The following OXNAD1 variants were observed in gnomAD, a reference collection of about 807,000 sequenced individuals.
The protein encoded by OXNAD1 is oxidoreductase NAD-binding domain-containing protein 1.
A neutral mutation model predicts 32.9 loss-of-function variants in OXNAD1; 34 were observed. The observed-to-expected ratio is 1.03, with a 90% CI of 0.79 to 1.38. The LOEUF (loss-of-function observed/expected upper bound fraction) is 1.38, where lower values mean the gene tolerates loss of function less well. Ranked by LOEUF, OXNAD1 falls within the 40% of genes most tolerant of loss-of-function variation. OXNAD1 has a pLI of 0.00. For synonymous variants in OXNAD1, 134 were observed against 135.2 expected, an observed-to-expected ratio of 0.99 and a Z score of 0.06; for missense variants, 407 against 379.4, an observed-to-expected ratio of 1.07 and a Z score of -0.60.
intron 9 of OXNAD1, among the ~76,000 whole-genome samples, chr3:16,328,538 C>T (rs1276537298): frequency 3.3e-5 from 5 of 152,192 alleles, no homozygotes; most frequent in African/African-American, 9.7e-5. Flanking sequence ...GAACCCTTGG[C>T]GACTAATTTA....
downstream of OXNAD1, among the ~76,000 whole-genome samples, chr3:16,351,869 CTAGA>C (rs781125041): frequency 9.3e-5 from 14 of 151,320 alleles, no homozygotes; most frequent in Non-Finnish European, 2.9e-5. The surrounding 1 kb of genome is among the most constrained non-coding windows in gnomAD (Gnocchi z 5.4). Flanking sequence ...GGTGAGGGGA[CTAGA>C]AAGACTAGAA....
Position 16,335,975 on chromosome 3 carries a change from C to T in OXNAD1, c.*31-1137C>T, listed in dbSNP as rs144025566. ...AGGAGGCAGAGCATGCTGGCGCCTT[C>T]TCAGGGCTGCCTGGGCCCTGCTCAG... On this transcript the variant is annotated intron_variant, in intron 9 of 9. Coordinates refer to the OXNAD1 transcript ENST00000435829. The surrounding 1 kb of genome is among the most constrained non-coding windows in gnomAD (Gnocchi z 4.7). Among the ~76,000 whole-genome samples, 1,122 of 152,298 alleles carry T rather than the reference C, an allele frequency of 7.4e-3. 17 individuals carry two copies. The highest frequency in any genetic ancestry group is 0.025 in the African/African-American group (1,048 of 41,564).
In OXNAD1 at chr3:16,271,042, C is replaced by G. The variant is rs2064893700; in HGVS notation, c.90C>G (p.Leu30=). The stretch of plus-strand genomic sequence containing the variant: ...AGGCTGCGTCACTGAGATTGACACT[C>G]AGCACTTTGCGCCACCTTACTCTAA... ...RIEAASLRLT[L]STLRHLTLTS... The change falls in exon 3 of 9, where the codon CTC becomes CTG. Residue 30 remains leucine, a synonymous_variant. Transcript: ENST00000285083. The surrounding 1 kb of genome is among the most constrained non-coding windows in gnomAD (Gnocchi z 4.6). The G allele has an allele frequency of 1.2e-6, 2 of 1,614,048 alleles. No individual in the cohort carries two copies. Among genetic ancestry groups the G allele is most frequent in the Non-Finnish European group, 1.7e-6 (2 of 1,180,030 alleles).
intron 9 of OXNAD1, among the ~76,000 whole-genome samples, chr3:16,328,633 A>G (rs1393530558): frequency 1.3e-5 from 2 of 152,234 alleles, no homozygotes; most frequent in African/African-American, 4.8e-5. Flanking sequence ...AGCCGGCAGC[A>G]TCAGCATCAC....
chr3:16,309,026 T>C (rs1425954284), downstream of OXNAD1, among the ~76,000 whole-genome samples: 1 of 152,224 alleles, frequency 6.6e-6, no homozygotes, highest in Non-Finnish European at 1.5e-5. Context: ...CCTATTCCCT[T>C]GCCTAGAAGG....
intron 5 of OXNAD1, among the ~76,000 whole-genome samples, chr3:16,286,849 C>T (rs842273): frequency 0.59 from 89,644 of 152,078 alleles, 26,603 homozygotes; most frequent in African/African-American, 0.66. Context: ...TAGTCTTCTT[C>T]GTGTCCAATG....
At chr3:16,319,810 G>A (rs979646297) in intron 9 of OXNAD1, among the ~76,000 whole-genome samples, 2 of 152,248 alleles carry the variant, frequency 1.3e-5, no homozygotes, top group South Asian at 2.1e-4. Flanking sequence ...GGCCTGGACT[G>A]TGCCAGATTT....
At chr3:16,338,696 A>G (rs1420415678), downstream of OXNAD1, among the ~76,000 whole-genome samples, 1 of 152,228 alleles carries the variant, frequency 6.6e-6, no homozygotes, top group Non-Finnish European at 1.5e-5. The surrounding 1 kb of genome is among the most constrained non-coding windows in gnomAD (Gnocchi z 5.3). Context: ...CTCTCTTTAG[A>G]CTATCAGAGA....
At chr3:16,282,092 A>G (rs1296531810) in intron 4 of OXNAD1, among the ~76,000 whole-genome samples, 4 of 126,270 alleles carry the variant, frequency 3.2e-5, no homozygotes, top group Non-Finnish European at 4.7e-5. Context: ...CACGTTGCCC[A>G]GGCTGGTCTC....
downstream of OXNAD1, among the ~76,000 whole-genome samples, chr3:16,350,487 A>C (rs1022741020): frequency 8.0e-5 from 11 of 137,764 alleles, no homozygotes; most frequent in African/African-American, 3.0e-4. Flanking sequence ...AGCTGAGATG[A>C]ATCACTTTTT....
chr3:16,323,013 GAC>G (rs1430550714), intron 9 of OXNAD1, among the ~76,000 whole-genome samples: 1 of 152,148 alleles, frequency 6.6e-6, no homozygotes, highest in African/African-American at 2.4e-5. Flanking sequence ...ATGAGATTAA[GAC>G]ACAAAGAAAC....
downstream of OXNAD1, among the ~76,000 whole-genome samples, chr3:16,338,639 G>A (rs989570895): frequency 1.3e-5 from 2 of 152,204 alleles, no homozygotes; most frequent in Non-Finnish European, 2.9e-5. This position sits in a 1 kb window ranked among gnomAD's most constrained non-coding sequence, Gnocchi z 5.3. Context: ...TTTGATGAGA[G>A]AGAAAACTAG....
intron 6 of OXNAD1, among the ~76,000 whole-genome samples, chr3:16,295,517 A>G (rs563935664): frequency 6.6e-6 from 1 of 152,144 alleles, no homozygotes; most frequent in Non-Finnish European, 1.5e-5. Context: ...ATTGCTGTTA[A>G]TAACTCTTAT....
At chr3:16,278,542 G>A (rs1241776859) in intron 4 of OXNAD1, among the ~76,000 whole-genome samples, 1 of 152,180 alleles carries the variant, frequency 6.6e-6, no homozygotes, top group Non-Finnish European at 1.5e-5. Context: ...TGGTGTAATA[G>A]CACTCACTTT....
In OXNAD1 at chr3:16,290,128, T is replaced by A. The variant is rs2066331543; in HGVS notation, c.290+3680T>A. On this transcript the variant is annotated intron_variant, in intron 5 of 8. Coordinates refer to ENST00000285083, the MANE Select transcript of OXNAD1 (RefSeq NM_138381.5). The surrounding 1 kb of genome is among the most constrained non-coding windows in gnomAD (Gnocchi z 4.2). The stretch of plus-strand genomic sequence containing the variant: ...TTGTGGACAGGACCTGGCTGCCTGG[T>A]GTGTCATGGTTGGATGTGGACATCC... Among the ~76,000 whole-genome samples, 1 of 152,168 alleles carries A rather than the reference T, an allele frequency of 6.6e-6. No homozygotes were observed. The highest frequency in any genetic ancestry group is 2.4e-5 in the African/African-American group (1 of 41,434).
rs1411481374 is a variant in OXNAD1 at position 16,335,529 on chromosome 3, CAT to C, written c.*31-1582_*31-1581del. On this transcript the variant is annotated intron_variant, in intron 9 of 9. Coordinates refer to the OXNAD1 transcript ENST00000435829. The surrounding 1 kb of genome is among the most constrained non-coding windows in gnomAD (Gnocchi z 4.7). ...CGCAGGAACAGAAAATCAAACACCA[CAT>C]GTTCTCACTTACAAGTGGGAGAGCT... Among the ~76,000 whole-genome samples, 4 of 152,200 alleles carry C rather than the reference CAT, an allele frequency of 2.6e-5. No individual in the cohort carries two copies. Among genetic ancestry groups the C allele is most frequent in the Admixed American group, 2.0e-4 (3 of 15,278 alleles).
Position 16,286,467 on chromosome 3 carries a change from T to C in OXNAD1, c.290+19T>C. 6.9e-6 allele frequency: 11 copies of C among 1,593,496 alleles called. No homozygotes were observed. The highest frequency in any genetic ancestry group is 9.5e-6 in the Non-Finnish European group (11 of 1,161,526). On this transcript the variant is annotated intron_variant, in intron 5 of 8. Transcript: ENST00000285083. ...GCCAGTGGTAAGTGACTTTTCTGTG[T>C]TCCATGTATGTATGTTCAAGAAGGT...
At chr3:16,349,484 T>A (rs1184636796) in exon 10 of OXNAD1, 1 of 152,212 alleles carries the variant, frequency 6.6e-6, no homozygotes. Context: ...GCGTGAGGTA[T>A]ACACACATGC....
rs1339657774 is a variant in OXNAD1 at position 16,317,392 on chromosome 3, A to G, written c.*30+13800A>G. On this transcript the variant is annotated intron_variant, in intron 9 of 9. Transcript: ENST00000435829. This position sits in a 1 kb window ranked among gnomAD's most constrained non-coding sequence, Gnocchi z 4.3. ...TACAGGCACCAAACTTGAATCGCAC[A>G]CTATCACATCACACCCACCCCAAGA... Among the ~76,000 whole-genome samples, 1 of 151,166 alleles carries G rather than the reference A, an allele frequency of 6.6e-6. No individual in the cohort carries two copies. The highest frequency in any genetic ancestry group is 2.4e-5 in the African/African-American group (1 of 41,062).
Sources: allele counts gnomAD v4.1 joint callset (sites outside exome capture counted in the v4.1 genomes callset), GRCh38; gene constraint gnomAD v4.1.1; non-coding constraint Gnocchi (gnomAD v3.1); transcripts MANE v1.5; gene names NCBI Gene and HGNC (gene_info 2026-07-23, HGNC 2026-07-21).